The following SNTB1 variants were observed in gnomAD, a reference collection of about 807,000 sequenced individuals.
The protein encoded by SNTB1 is beta-1-syntrophin.
In SNTB1, 36 loss-of-function variants were observed where a neutral mutation model predicts 48.9. That is an observed-to-expected ratio of 0.74 (90% CI 0.56 to 0.97). The LOEUF (loss-of-function observed/expected upper bound fraction) is 0.97. Among genes scored for constraint, SNTB1 ranks in the 50% least tolerant of loss-of-function variants. SNTB1 has a pLI of 0.00. For synonymous variants in SNTB1, 299 were observed against 294.6 expected (o/e 1.01, Z -0.15); for missense variants, 786 against 703.4 (o/e 1.12, Z -1.33).
intron 2 of SNTB1, among the ~76,000 whole-genome samples, chr8:120,660,470 C>T (rs1323755542): frequency 1.3e-5 from 2 of 152,214 alleles, no homozygotes; most frequent in Admixed American, 1.3e-4. Context: ...CTCTCTTAGT[C>T]TTCAAAGAAT....
intron 2 of SNTB1, among the ~76,000 whole-genome samples, chr8:120,644,485 C>T (rs1817249497): frequency 1.3e-5 from 2 of 152,068 alleles, no homozygotes; most frequent in African/African-American, 4.8e-5. Flanking sequence ...CTACAAAGGA[C>T]ATGAACTCAT....
At chr8:120,745,109 G>A (rs867505332) in intron 1 of SNTB1, among the ~76,000 whole-genome samples, 1 of 150,902 alleles carries the variant, frequency 6.6e-6, no homozygotes, top group Non-Finnish European at 1.5e-5. Flanking sequence ...AAGAGGTCTC[G>A]GTGGTTATTT....
rs879291357 is a variant in SNTB1 at position 120,792,591 on chromosome 8, G to C, written c.571+18682C>G. ...AAACTAGTTGCTTGCTGCTAGCCAA[G>C]TACCGTGGCAAGTCCTATATTTTAC... On this transcript the variant is annotated intron_variant, in intron 1 of 6. Coordinates refer to ENST00000517992, the MANE Select transcript of SNTB1 (RefSeq NM_021021.4). Among the ~76,000 whole-genome samples the C allele has an allele frequency of 3.3e-5, 5 of 151,956 alleles. No homozygotes were observed. In the East Asian group the frequency reaches 9.6e-4, roughly 29 times the overall value.
intron 1 of SNTB1, among the ~76,000 whole-genome samples, chr8:120,706,387 G>A (rs1818376080): frequency 6.6e-6 from 1 of 152,060 alleles, no homozygotes; most frequent in African/African-American, 2.4e-5. Flanking sequence ...ATCATGCCAG[G>A]CAGAAAAGGC....
intron 3 of SNTB1, among the ~76,000 whole-genome samples, chr8:120,629,806 C>A (rs1313289467): frequency 6.6e-6 from 1 of 152,140 alleles, no homozygotes; most frequent in Non-Finnish European, 1.5e-5. Context: ...CTGCATAATA[C>A]CCTTAAGGAG....
intron 1 of SNTB1, 75 bp downstream of exon 1, chr8:120,811,198 A>G: frequency 1.3e-6 from 2 of 1,514,986 alleles, no homozygotes; most frequent in South Asian, 2.6e-5. Flanking sequence ...AGTGAGTGTG[A>G]GTGTGAGCGT....
At chr8:120,753,118 A>C (rs1224826969) in intron 1 of SNTB1, among the ~76,000 whole-genome samples, 2 of 151,980 alleles carry the variant, frequency 1.3e-5, no homozygotes, top group Non-Finnish European at 2.9e-5. Flanking sequence ...GGAACATCAC[A>C]GTTGGGCCAT....
At chr8:120,704,931 G>A (rs1158165712) in intron 1 of SNTB1, among the ~76,000 whole-genome samples, 2 of 152,178 alleles carry the variant, frequency 1.3e-5, no homozygotes, top group Non-Finnish European at 2.9e-5. Context: ...CAGATTCTAG[G>A]GATTTTCATG....
At chr8:120,641,452 G>C (rs889835555) in intron 2 of SNTB1, among the ~76,000 whole-genome samples, 2 of 152,068 alleles carry the variant, frequency 1.3e-5, no homozygotes, top group African/African-American at 2.4e-5. Context: ...CCACTCCACA[G>C]GTATTACACA....
chr8:120,591,211 C>T lies in SNTB1; in HGVS notation c.997-15986G>A, dbSNP rs996726903. 2.5e-4 allele frequency among the ~76,000 whole-genome samples: 38 copies of T among 152,318 alleles called. 1 individual carries two copies. Among genetic ancestry groups the T allele is most frequent in the Admixed American group, 2.2e-3 (34 of 15,308 alleles). On this transcript the variant is annotated intron_variant, in intron 3 of 6. Transcript: ENST00000517992. ...TTCTGAAAATTAGCCACACCAAACT[C>T]CTCCTCAAGAACATGCTTTTTGTCT...
At chr8:120,787,266 C>A (rs1439678451) in intron 1 of SNTB1, among the ~76,000 whole-genome samples, 1 of 151,474 alleles carries the variant, frequency 6.6e-6, no homozygotes, top group African/African-American at 2.4e-5. Flanking sequence ...AAATAGTTTA[C>A]CTAAAAAAGA....
intron 1 of SNTB1, among the ~76,000 whole-genome samples, chr8:120,791,573 A>G (rs1820036680): frequency 6.6e-6 from 1 of 152,072 alleles, no homozygotes; most frequent in Admixed American, 6.6e-5. Context: ...CAGAATCTAC[A>G]AGGAACTCAA....
Position 120,573,981 on chromosome 8 carries a change from A to G in SNTB1, c.1136+1105T>C, listed in dbSNP as rs75411215. On this transcript the variant is annotated intron_variant, in intron 4 of 6. Transcript: ENST00000517992. ...GTGTGATGCCTCTAAAGGTCCGTCT[A>G]TAGATGAACGGATAAAGAAAGTGTG... Among the ~76,000 whole-genome samples, 196 of 152,368 alleles carry G rather than the reference A, an allele frequency of 1.3e-3. 2 individuals are homozygous for G. Among genetic ancestry groups the G allele is most frequent in the Non-Finnish European group, 2.5e-3 (167 of 68,028 alleles).
At chr8:120,540,095 G>A (rs1478078752) in intron 6 of SNTB1, among the ~76,000 whole-genome samples, 3 of 152,182 alleles carry the variant, frequency 2.0e-5, no homozygotes, top group African/African-American at 4.8e-5. Flanking sequence ...ACTTCAATCC[G>A]TGTATTTTAT....
At chr8:120,663,593 C>A (rs55761127) in intron 2 of SNTB1, among the ~76,000 whole-genome samples, 8 of 152,144 alleles carry the variant, frequency 5.3e-5, no homozygotes, top group African/African-American at 1.7e-4. Flanking sequence ...AGGCATGAGC[C>A]ACTGCACCCG....
intron 1 of SNTB1, among the ~76,000 whole-genome samples, chr8:120,719,168 T>A (rs1358491449): frequency 2.0e-5 from 3 of 152,170 alleles, no homozygotes; most frequent in African/African-American, 7.2e-5. Flanking sequence ...CAAAGAAGGT[T>A]AACATTTGAG....
chr8:120,748,708 C>G (rs73323141), intron 1 of SNTB1, among the ~76,000 whole-genome samples: 2,998 of 152,234 alleles, frequency 0.02, 103 homozygotes, highest in African/African-American at 0.067. Context: ...TGCTTCATTA[C>G]CCAGCAAAAG....
At chr8:120,788,130 A>G (rs979652799) in intron 1 of SNTB1, among the ~76,000 whole-genome samples, 21 of 152,150 alleles carry the variant, frequency 1.4e-4, no homozygotes, top group African/African-American at 4.6e-4. Context: ...GCAAAACTAA[A>G]TTTTATAAAT....
chr8:120,569,436 T>G (rs1815806860), intron 4 of SNTB1, among the ~76,000 whole-genome samples: 5 of 152,234 alleles, frequency 3.3e-5, no homozygotes, highest in African/African-American at 9.6e-5. Context: ...TAGCAGACAC[T>G]TTCAGTGCTC....
Sources: allele counts gnomAD v4.1 joint callset (sites outside exome capture counted in the v4.1 genomes callset), GRCh38; gene constraint gnomAD v4.1.1; transcripts MANE v1.5; gene names NCBI Gene and HGNC (gene_info 2026-07-23, HGNC 2026-07-21).